The following MTFR1 variants were observed in gnomAD, a reference collection of about 807,000 sequenced individuals.
MTFR1 encodes mitochondrial fission regulator 1.
In MTFR1, 28 loss-of-function variants were observed where a neutral mutation model predicts 38.8. The ratio of observed to expected loss-of-function variants is 0.72; its 90% CI spans 0.53 to 0.99. The LOEUF (loss-of-function observed/expected upper bound fraction) is 0.99, where lower values mean the gene tolerates loss of function less well. Ranked by LOEUF, MTFR1 falls within the 50% of genes least tolerant of loss-of-function variation. The pLI is 0.00. For synonymous variants in MTFR1, 145 were observed against 137.0 expected (o/e 1.06, Z -0.41); for missense variants, 358 against 395.5 (o/e 0.91, Z 0.81).
downstream of MTFR1, among the ~76,000 whole-genome samples, chr8:65,771,789 C>T (rs375135891): frequency 4.7e-5 from 7 of 148,840 alleles, no homozygotes; most frequent in Admixed American, 4.1e-4. Flanking sequence ...GCAGGAGAAT[C>T]GCTTGAACCT....
intron 3 of MTFR1, among the ~76,000 whole-genome samples, chr8:65,768,331 C>T (rs566710808): frequency 6.6e-6 from 1 of 152,258 alleles, no homozygotes; most frequent in South Asian, 2.1e-4. Flanking sequence ...TTGTAACTCC[C>T]ACAATTCCCA....
At chr8:65,648,050 CA>C (rs1809011098) in intron 1 of MTFR1, among the ~76,000 whole-genome samples, 1 of 152,108 alleles carries the variant, frequency 6.6e-6, no homozygotes, top group Non-Finnish European at 1.5e-5. Context: ...CTCGCTCTGT[CA>C]CCCAGACTGG....
intron 3 of MTFR1, among the ~76,000 whole-genome samples, chr8:65,766,779 G>A (rs1346255884): frequency 2.6e-5 from 4 of 152,140 alleles, no homozygotes; most frequent in Non-Finnish European, 4.4e-5. Flanking sequence ...ACAGGTTAAC[G>A]TTAGCTGAAT....
chr8:65,645,692 T>TTCCC (rs1554544272), intron 1 of MTFR1, among the ~76,000 whole-genome samples: 53 of 83,178 alleles, frequency 6.4e-4, no homozygotes, highest in East Asian at 1.1e-3. Context: ...CGCCCGGCTT[T>TTCCC]CCCCCCCCCC....
chr8:65,733,183 G>A (rs1374992169), intron 3 of MTFR1, among the ~76,000 whole-genome samples: 1 of 152,168 alleles, frequency 6.6e-6, no homozygotes, highest in African/African-American at 2.4e-5. Context: ...GGCAAAAAGT[G>A]TTCAAAATCA....
At chr8:65,775,774 C>T (rs556471488), downstream of MTFR1, among the ~76,000 whole-genome samples, 10 of 152,266 alleles carry the variant, frequency 6.6e-5, no homozygotes, top group East Asian at 5.8e-4. Flanking sequence ...ATTACAGGCA[C>T]GCACCACTGC....
chr8:65,676,093 G>T (rs1289083834), intron 2 of MTFR1, among the ~76,000 whole-genome samples: 1 of 152,102 alleles, frequency 6.6e-6, no homozygotes, highest in Non-Finnish European at 1.5e-5. Context: ...GTTAATCTTT[G>T]GTTAAGGATT....
At chr8:65,740,186 G>T (rs1271141876) in intron 3 of MTFR1, among the ~76,000 whole-genome samples, 1 of 147,924 alleles carries the variant, frequency 6.8e-6, no homozygotes, top group Non-Finnish European at 1.5e-5. Flanking sequence ...TGGGGAGGGG[G>T]AATCACAAAA....
At chr8:65,719,338 T>TGCA in intron 2 of MTFR1, 1 of 1,614,170 alleles carries the variant, frequency 6.2e-7, no homozygotes, top group Non-Finnish European at 8.5e-7. Flanking sequence ...TCAACTCAAA[T>TGCA]GCAGCATCAG....
chr8:65,710,015 T>C lies in MTFR1; in HGVS notation c.*971T>C, dbSNP rs1336658951. The C allele has an allele frequency of 6.6e-6, 1 of 152,242 alleles. No individual in the cohort carries two copies. The highest frequency in any genetic ancestry group is 1.5e-5 in the Non-Finnish European group (1 of 68,022). 9.4% of individuals were successfully genotyped at this position (152,242 alleles called of 1,614,324 possible). A position where few individuals can be genotyped will look rare whatever the true frequency, so the allele number is the denominator to read the frequency against. On this transcript the variant is annotated 3_prime_UTR_variant, in exon 8 of 8. Coordinates refer to ENST00000262146, the MANE Select transcript of MTFR1 (RefSeq NM_014637.4). ...TAATAATATTACGCAACATAAACCA[T>C]AGGTGTTATTAGAAGTGGAGAACTG...
In MTFR1 at chr8:65,682,342, T is replaced by G; in HGVS notation, c.67-11T>G. ...TTGTAATTAAGCTTTCGGTTTTTCCTACTTCCTCAGGTACTTTGGTCTAGG... is the reference window on the plus strand; with the variant it reads ...TTGTAATTAAGCTTTCGGTTTTTCCGACTTCCTCAGGTACTTTGGTCTAGG... On this transcript the variant is annotated splice_polypyrimidine_tract_variant and intron_variant, in intron 2 of 7. Transcript: ENST00000262146. The G allele has an allele frequency of 6.8e-7, 1 of 1,480,868 alleles. No homozygotes were observed. The highest frequency in any genetic ancestry group is 9.1e-7 in the Non-Finnish European group (1 of 1,093,324). 91.7% of individuals were successfully genotyped at this position (1,480,868 alleles called of 1,614,324 possible).
intron 5 of MTFR1, among the ~76,000 whole-genome samples, chr8:65,706,134 G>A (rs777593244): frequency 2.0e-5 from 3 of 152,164 alleles, no homozygotes; most frequent in South Asian, 2.1e-4. Flanking sequence ...CACTCTGGGC[G>A]CTGATGCTGG....
intron 1 of MTFR1, among the ~76,000 whole-genome samples, chr8:65,649,999 C>T (rs185686365): frequency 1.6e-4 from 24 of 151,902 alleles, no homozygotes; most frequent in Admixed American, 7.9e-4. Flanking sequence ...CCACCACGCC[C>T]GGCTGATTTT....
intron 2 of MTFR1, among the ~76,000 whole-genome samples, chr8:65,670,754 G>C (rs1378160760): frequency 3.3e-5 from 5 of 151,196 alleles, no homozygotes; most frequent in Non-Finnish European, 7.4e-5. Flanking sequence ...GCCCAGGCTG[G>C]AGTACAGTGG....
At chr8:65,731,090 C>G (rs1198947440) in intron 3 of MTFR1, among the ~76,000 whole-genome samples, 1 of 152,176 alleles carries the variant, frequency 6.6e-6, no homozygotes, top group African/African-American at 2.4e-5. Context: ...AGGGAATAGA[C>G]AGACAAAAAT....
intron 2 of MTFR1, among the ~76,000 whole-genome samples, chr8:65,680,396 C>T (rs927560075): frequency 6.6e-6 from 1 of 152,080 alleles, no homozygotes; most frequent in Admixed American, 6.6e-5. Flanking sequence ...AACTTCTGGC[C>T]ACAAATGATC....
downstream of MTFR1, among the ~76,000 whole-genome samples, chr8:65,711,055 G>A (rs1805930751): frequency 6.6e-6 from 1 of 151,968 alleles, no homozygotes; most frequent in Non-Finnish European, 1.5e-5. Context: ...AGAGAACACT[G>A]GACTTGGAGC....
At chr8:65,689,848 A>T (rs2129055460) in intron 3 of MTFR1, among the ~76,000 whole-genome samples, 1 of 152,344 alleles carries the variant, frequency 6.6e-6, no homozygotes, top group South Asian at 2.1e-4. Flanking sequence ...TTGTCTTTTG[A>T]ATGAGTTTGA....
At chr8:65,753,883 A>G (rs1808087439) in intron 3 of MTFR1, among the ~76,000 whole-genome samples, 2 of 152,054 alleles carry the variant, frequency 1.3e-5, no homozygotes, top group South Asian at 4.2e-4. Context: ...TTTATCTCAT[A>G]ACCTTTTTTT....
Sources: allele counts gnomAD v4.1 joint callset (sites outside exome capture counted in the v4.1 genomes callset), GRCh38; gene constraint gnomAD v4.1.1; transcripts MANE v1.5; gene names NCBI Gene and HGNC (gene_info 2026-07-23, HGNC 2026-07-21).